MLLT3: variants seen among roughly 807,000 people sequenced by gnomAD.
MLLT3 encodes the protein protein AF-9.
Under a neutral mutation model 53.2 loss-of-function variants are expected in MLLT3, and 4 were observed. The ratio of observed to expected loss-of-function variants is 0.08; its 90% CI spans 0.04 to 0.17. The LOEUF is 0.17. Ranked by LOEUF, MLLT3 falls within the 10% of genes least tolerant of loss-of-function variation. MLLT3 has a pLI of 1.00. For synonymous variants in MLLT3, 283 were observed against 230.6 expected (o/e 1.23, Z -2.06); for missense variants, 569 against 684.0 (o/e 0.83, Z 1.87).
chr9:20,621,920 T>A lies in MLLT3; in HGVS notation c.12+325A>T. The stretch of plus-strand genomic sequence containing the variant: ...CTTCCACCGTGTGTGTGTGTGTGTG[T>A]GAGTGCGCGCGTGTGAGCGAGAGGG... On this transcript the variant is annotated intron_variant, in intron 1 of 10. Coordinates refer to ENST00000380338, the MANE Select transcript of MLLT3 (RefSeq NM_004529.4). This position sits in a 1 kb window ranked among gnomAD's most constrained non-coding sequence, Gnocchi z 7.0. 7 of 1,377,558 alleles carry A rather than the reference T, an allele frequency of 5.1e-6. No individual in the cohort carries two copies. Among genetic ancestry groups the A allele is most frequent in the Non-Finnish European group, 6.5e-6 (7 of 1,071,150 alleles). The allele number at this position is 1,377,558 out of a possible 1,614,324, so 85.3% of individuals were successfully genotyped here.
intron 2 of MLLT3, among the ~76,000 whole-genome samples, chr9:20,526,555 T>A (rs955636922): frequency 6.6e-6 from 1 of 152,228 alleles, no homozygotes; most frequent in Non-Finnish European, 1.5e-5. Context: ...TATTCACTAA[T>A]GTAGATCATT....
In MLLT3 at chr9:20,448,081, GT is replaced by G. The variant is rs1327341368; in HGVS notation, c.420+41del. 2 of 1,533,628 alleles carry G rather than the reference GT, an allele frequency of 1.3e-6. No individual in the cohort carries two copies. The highest frequency in any genetic ancestry group is 4.0e-5 in the Admixed American group (2 of 49,826). On this transcript the variant is annotated intron_variant, in intron 4 of 10. Coordinates refer to ENST00000380338, the MANE Select transcript of MLLT3 (RefSeq NM_004529.4). This position sits in a 1 kb window ranked among gnomAD's most constrained non-coding sequence, Gnocchi z 4.0. ...GTTTGTTTTTTTTTTTGTTGTTGTT[GT>G]TTTTTAATAGGAATGCTTTTCACAA...
At chr9:20,566,299 T>C (rs1008544568) in intron 2 of MLLT3, among the ~76,000 whole-genome samples, 2 of 151,198 alleles carry the variant, frequency 1.3e-5, no homozygotes, top group Non-Finnish European at 2.9e-5. Flanking sequence ...TGAGACTCCA[T>C]CTCAAAAAAA....
chr9:20,352,283 T>C (rs1227351634), intron 10 of MLLT3, among the ~76,000 whole-genome samples: 1 of 152,214 alleles, frequency 6.6e-6, no homozygotes, highest in Admixed American at 6.5e-5. Context: ...CATTAATAGC[T>C]TTATTGGACA....
chr9:20,575,015 T>C (rs974202030), intron 2 of MLLT3, among the ~76,000 whole-genome samples: 1 of 152,206 alleles, frequency 6.6e-6, no homozygotes, highest in Admixed American at 6.5e-5. Flanking sequence ...GGCTCTTCCA[T>C]AAGAAGCAAC....
intron 2 of MLLT3, among the ~76,000 whole-genome samples, chr9:20,608,518 T>C (rs763770063): frequency 1.8e-4 from 28 of 151,966 alleles, no homozygotes; most frequent in Non-Finnish European, 3.4e-4. Context: ...ATTACTTTTA[T>C]AACTTCAATA....
At chr9:20,569,090 C>G (rs1490449885) in intron 2 of MLLT3, among the ~76,000 whole-genome samples, 6 of 152,170 alleles carry the variant, frequency 3.9e-5, no homozygotes, top group Non-Finnish European at 7.3e-5. Flanking sequence ...TTACACCCCT[C>G]CTGTCCATGC....
intron 2 of MLLT3, among the ~76,000 whole-genome samples, chr9:20,553,664 A>G (rs927397138): frequency 3.5e-4 from 53 of 152,278 alleles, no homozygotes; most frequent in African/African-American, 1.2e-3. Context: ...TTATTCTACT[A>G]TTCACTGGAC....
At chr9:20,501,558 T>C (rs910753943) in intron 2 of MLLT3, among the ~76,000 whole-genome samples, 3 of 150,888 alleles carry the variant, frequency 2.0e-5, no homozygotes, top group Admixed American at 1.3e-4. Flanking sequence ...GAGACCATCC[T>C]GGCTAACAAG....
intron 2 of MLLT3, among the ~76,000 whole-genome samples, chr9:20,498,014 G>T (rs986779885): frequency 6.6e-6 from 1 of 151,898 alleles, no homozygotes; most frequent in South Asian, 2.1e-4. Context: ...TTGAGGCCAG[G>T]AGTTCGAGAT....
chr9:20,590,989 A>G (rs1056086166), intron 2 of MLLT3, among the ~76,000 whole-genome samples: 1 of 151,996 alleles, frequency 6.6e-6, no homozygotes, highest in Non-Finnish European at 1.5e-5. Flanking sequence ...GCCTCAGGCA[A>G]TCCTTCCACG....
chr9:20,530,603 A>G (rs181183813), intron 2 of MLLT3, among the ~76,000 whole-genome samples: 3 of 152,374 alleles, frequency 2.0e-5, no homozygotes, highest in East Asian at 3.9e-4. Flanking sequence ...TGGTAAATAC[A>G]TGCATAAAAA....
Position 20,439,434 on chromosome 9 carries a change from GAA to G in MLLT3, c.420+8687_420+8688del, listed in dbSNP as rs200753760. On this transcript the variant is annotated intron_variant, in intron 4 of 10. Transcript: ENST00000380338. ...GATCTATGGACTAAACAGTCATCAG[GAA>G]AAAAAAAAAAAAAAGCTAGTACATC... 3.3e-3 allele frequency among the ~76,000 whole-genome samples: 383 copies of G among 115,162 alleles called. 1 individual carries two copies. The highest frequency in any genetic ancestry group is 9.6e-3 in the African/African-American group (333 of 34,760). 75.6% of individuals were successfully genotyped at this position (115,162 alleles called of 152,430 possible).
chr9:20,395,249 G>C (rs916796920), intron 5 of MLLT3, among the ~76,000 whole-genome samples: 3 of 152,052 alleles, frequency 2.0e-5, no homozygotes, highest in East Asian at 1.9e-4. Context: ...ATTTCAAATG[G>C]GTAACAACTT....
chr9:20,467,405 C>A (rs959423675), intron 2 of MLLT3, among the ~76,000 whole-genome samples: 1 of 152,086 alleles, frequency 6.6e-6, no homozygotes, highest in Non-Finnish European at 1.5e-5. Flanking sequence ...TGGTGAAACC[C>A]CGTCTCTACT....
At chr9:20,431,352 T>A (rs1055479967) in intron 4 of MLLT3, among the ~76,000 whole-genome samples, 2 of 152,136 alleles carry the variant, frequency 1.3e-5, no homozygotes, top group African/African-American at 4.8e-5. Flanking sequence ...TGTTTCTTAA[T>A]TCTCCAGGTA....
Position 20,343,183 on chromosome 9 carries a change from CAAAAA to C in MLLT3, c.*3255_*3259del, listed in dbSNP as rs71334526. The C allele has an allele frequency of 7.5e-3, 304 of 40,344 alleles. 3 individuals carry two copies. Among genetic ancestry groups the C allele is most frequent in the African/African-American group, 0.03 (236 of 7,824 alleles). 2.5% of individuals were successfully genotyped at this position (40,344 alleles called of 1,614,324 possible). A position where few individuals can be genotyped will look rare whatever the true frequency, so the allele number is the denominator to read the frequency against. On this transcript the variant is annotated 3_prime_UTR_variant, in exon 11 of 11. Coordinates refer to ENST00000380338, the MANE Select transcript of MLLT3 (RefSeq NM_004529.4). Reference sequence around the variant, plus strand: ...TAGGTGGGCCTGTAAAAGATATCGGCAAAAAAAAAAAAAAAAAAAAAAAAAAAAAA... The same window carrying C: ...TAGGTGGGCCTGTAAAAGATATCGGCAAAAAAAAAAAAAAAAAAAAAAAAA...
At chr9:20,513,755 G>A (rs949843869) in intron 2 of MLLT3, among the ~76,000 whole-genome samples, 1 of 152,210 alleles carries the variant, frequency 6.6e-6, no homozygotes, top group African/African-American at 2.4e-5. Context: ...ACCGGGAGGA[G>A]GCAGGGAGTG....
chr9:20,487,637 C>A (rs767660918), intron 2 of MLLT3, among the ~76,000 whole-genome samples: 3 of 152,122 alleles, frequency 2.0e-5, no homozygotes, highest in Non-Finnish European at 4.4e-5. Flanking sequence ...AGTTATCAGA[C>A]AACGTATCCA....
Sources: allele counts gnomAD v4.1 joint callset (sites outside exome capture counted in the v4.1 genomes callset), GRCh38; gene constraint gnomAD v4.1.1; non-coding constraint Gnocchi (gnomAD v3.1); transcripts MANE v1.5; gene names NCBI Gene and HGNC (gene_info 2026-07-23, HGNC 2026-07-21).